EXPH5: variants seen among roughly 807,000 people sequenced by gnomAD.
The protein encoded by EXPH5 is exophilin-5.
A neutral mutation model predicts 41.1 loss-of-function variants in EXPH5; 42 were observed. That is an observed-to-expected ratio of 1.02 (90% CI 0.80 to 1.32). EXPH5 has a LOEUF of 1.32. Ranked by LOEUF, EXPH5 falls within the 40% of genes most tolerant of loss-of-function variation. The probability of loss-of-function intolerance (pLI) is 0.00; values close to 1 mark genes in which losing one functional copy is unlikely to be tolerated. For synonymous variants in EXPH5, 798 were observed against 833.5 expected (o/e 0.96, Z 0.73); for missense variants, 2,298 against 2,314.5 (o/e 0.99, Z 0.15).
intron 1 of EXPH5, among the ~76,000 whole-genome samples, chr11:108,560,160 A>T (rs1376713791): frequency 1.3e-5 from 2 of 152,188 alleles, no homozygotes; most frequent in Non-Finnish European, 2.9e-5. Flanking sequence ...CAGCACCATG[A>T]ATCTACTGCT....
At chr11:108,577,445 C>T (rs1025978757) in intron 1 of EXPH5, among the ~76,000 whole-genome samples, 5 of 151,346 alleles carry the variant, frequency 3.3e-5, no homozygotes, top group East Asian at 1.9e-4. Flanking sequence ...TTTGGTGAGA[C>T]GGAGATTTAC....
chr11:108,532,047 G>A (rs1323364224), intron 3 of EXPH5, among the ~76,000 whole-genome samples: 4 of 151,804 alleles, frequency 2.6e-5, no homozygotes, highest in Non-Finnish European at 4.4e-5. Flanking sequence ...ACTGAATCAC[G>A]CCACTTCCCT....
At chr11:108,530,961 C>T (rs1393436525) in intron 3 of EXPH5, among the ~76,000 whole-genome samples, 1 of 152,164 alleles carries the variant, frequency 6.6e-6, no homozygotes. Context: ...TTATGTTTCT[C>T]ATGTGAAGAG....
intron 1 of EXPH5, among the ~76,000 whole-genome samples, chr11:108,545,146 G>T (rs1230733314): frequency 6.6e-6 from 1 of 152,100 alleles, no homozygotes; most frequent in Non-Finnish European, 1.5e-5. Context: ...GGGCATGGTG[G>T]CTCACACCAG....
In EXPH5 at chr11:108,508,865, A is replaced by G. The variant is rs757296397; in HGVS notation, c.*672T>C. 4 of 152,228 alleles carry G rather than the reference A, an allele frequency of 2.6e-5. No individual in the cohort carries two copies. Among genetic ancestry groups the G allele is most frequent in the Non-Finnish European group, 5.9e-5 (4 of 68,038 alleles). The allele number at this position is 152,228 out of a possible 1,614,324, so 9.4% of individuals were successfully genotyped here. ...ATTCAGGTCCTAATCTATAACCTCA[A>G]CATGTGCTTTGACCATGTGCCTCCC... On this transcript the variant is annotated 3_prime_UTR_variant, in exon 6 of 6. Coordinates refer to ENST00000265843, the MANE Select transcript of EXPH5 (RefSeq NM_015065.3).
At chr11:108,535,960 G>A (rs1018994514) in intron 3 of EXPH5, among the ~76,000 whole-genome samples, 5 of 152,132 alleles carry the variant, frequency 3.3e-5, no homozygotes, top group Admixed American at 6.6e-5. Context: ...GTGAGATTAC[G>A]AAGTTACTGA....
At chr11:108,528,547 C>T (rs765679018) in intron 3 of EXPH5, among the ~76,000 whole-genome samples, 1 of 152,104 alleles carries the variant, frequency 6.6e-6, no homozygotes, top group African/African-American at 2.4e-5. Context: ...ACATCACTCT[C>T]CTGAGATGGA....
At chr11:108,600,616 GCTAA>G in the EXPH5 span, among the ~76,000 whole-genome samples, 1 of 152,106 alleles carries the variant, frequency 6.6e-6, no homozygotes, top group Non-Finnish European at 1.5e-5. Flanking sequence ...TTTAAGCAGA[GCTAA>G]CTGAGTTAAC....
chr11:108,603,953 T>C, the EXPH5 span, among the ~76,000 whole-genome samples: 1 of 152,102 alleles, frequency 6.6e-6, no homozygotes, highest in Admixed American at 6.5e-5. Flanking sequence ...GATTCTGGAA[T>C]GATAAGGAAG....
At chr11:108,524,337 G>A (rs1299188834) in intron 4 of EXPH5, among the ~76,000 whole-genome samples, 1 of 152,224 alleles carries the variant, frequency 6.6e-6, no homozygotes, top group Non-Finnish European at 1.5e-5. Flanking sequence ...AATATTAATA[G>A]TTGTGATGCA....
chr11:108,528,695 C>CTTTTTTTTTTTTTT (rs58500316), intron 3 of EXPH5, among the ~76,000 whole-genome samples: 1 of 106,326 alleles, frequency 9.4e-6, no homozygotes. Flanking sequence ...TTTTCTTTCC[C>CTTTTTTTTTTTTTT]TTTTTTTTTT....
At position 108,509,770 on chromosome 11, in the gene EXPH5, G is replaced by T. The variant is rs776949863; in HGVS notation, c.5737C>A (p.Pro1913Thr). Residue 1913 changes from proline (P) to threonine (T), a missense_variant, in exon 6 of 6, where the codon CCA (proline) becomes ACA (threonine). Transcript: ENST00000265843. ...RSLTQGRLWK[P>T]SFLKNPGFLK... The stretch of plus-strand genomic sequence containing the variant: ...AAGCCAGGGTTCTTAAGAAAACTTG[G>T]TTTCCATAATCTTCCTTGTGTAAGT... The T allele has an allele frequency of 5.2e-5, 84 of 1,607,788 alleles. No individual in the cohort carries two copies. The Middle Eastern group carries it at 1.0e-3, about 19-fold the overall frequency.
intron 1 of EXPH5, among the ~76,000 whole-genome samples, chr11:108,578,468 A>G (rs970322998): frequency 3.3e-5 from 5 of 152,160 alleles, no homozygotes; most frequent in African/African-American, 1.2e-4. Context: ...AGGTGATGTG[A>G]TGACTTCAGC....
chr11:108,580,073 C>T (rs936245220), intron 1 of EXPH5, among the ~76,000 whole-genome samples: 2 of 152,140 alleles, frequency 1.3e-5, no homozygotes, highest in African/African-American at 4.8e-5. Flanking sequence ...AACTCAAAAG[C>T]TTCTTCACAT....
chr11:108,605,501 C>T, the EXPH5 span, among the ~76,000 whole-genome samples: 1 of 152,136 alleles, frequency 6.6e-6, no homozygotes, highest in African/African-American at 2.4e-5. Context: ...AGAAGTGGTA[C>T]CAGCATCTAC....
At chr11:108,520,808 A>G (rs1041686591) in intron 4 of EXPH5, among the ~76,000 whole-genome samples, 1 of 152,148 alleles carries the variant, frequency 6.6e-6, no homozygotes, top group Non-Finnish European at 1.5e-5. Context: ...ACCTCAGGCA[A>G]TCCTCCTGCC....
chr11:108,575,016 C>T (rs1228510001), intron 1 of EXPH5, among the ~76,000 whole-genome samples: 2 of 152,182 alleles, frequency 1.3e-5, no homozygotes, highest in African/African-American at 2.4e-5. Context: ...AATGTACCCC[C>T]GATTTGTTAA....
In EXPH5 at chr11:108,508,004, C is replaced by CAAAAAAAAAAAAA; in HGVS notation, c.*1520_*1532dup. ...GAAACTCCAACTCTACTAAAAATAC[C>CAAAAAAAAAAAAA]AAAAAAAAAAAAAAAAAAAAAAAAA... On this transcript the variant is annotated 3_prime_UTR_variant, in exon 6 of 6. Transcript: ENST00000265843. 1 of 66,726 alleles carries CAAAAAAAAAAAAA rather than the reference C, an allele frequency of 1.5e-5. No individual in the cohort carries two copies. The highest frequency in any genetic ancestry group is 2.6e-5 in the Non-Finnish European group (1 of 37,916). 4.1% of individuals were successfully genotyped at this position (66,726 alleles called of 1,614,324 possible).
At position 108,513,108 on chromosome 11, in the gene EXPH5, T is replaced by C; in HGVS notation, c.2399A>G (p.Glu800Gly). The C allele has an allele frequency of 1.9e-6, 3 of 1,610,642 alleles. No homozygotes were observed. Among genetic ancestry groups the C allele is most frequent in the Non-Finnish European group, 2.5e-6 (3 of 1,179,134 alleles). ...NDIKQDKRFT[E>G]NRKLGSTASL... The stretch of plus-strand genomic sequence containing the variant: ...AGCTGTTGAGCCAAGTTTTCTGTTT[T>C]CAGTAAACCTCTTATCTTGTTTAAT... The change falls in exon 6 of 6, where the codon GAA becomes GGA. Residue 800 changes from glutamate (E) to glycine (G), a missense_variant. Physicochemically the swap from Glu to Gly is moderately conservative, Grantham distance 98 (BLOSUM62 -2). Transcript: ENST00000265843.
Sources: allele counts gnomAD v4.1 joint callset (sites outside exome capture counted in the v4.1 genomes callset), GRCh38; gene constraint gnomAD v4.1.1; transcripts MANE v1.5; gene names NCBI Gene and HGNC (gene_info 2026-07-23, HGNC 2026-07-21).